The following ZNF831 variants were observed in gnomAD, a reference collection of about 807,000 sequenced individuals.
ZNF831 encodes zinc finger protein 831.
In ZNF831, 59 loss-of-function variants were observed where a neutral mutation model predicts 95.8. The ratio of observed to expected loss-of-function variants is 0.62; its 90% confidence interval spans 0.50 to 0.77. The LOEUF (loss-of-function observed/expected upper bound fraction) is 0.77, where lower values mean the gene tolerates loss of function less well. ZNF831 is among the 30% of genes least tolerant of loss of function. The pLI, the probability that ZNF831 is intolerant of heterozygous loss-of-function variation, is 0.00. For missense variants in ZNF831, 2,205 were observed against 2,164.0 expected, an observed-to-expected ratio of 1.02 and a Z score of -0.38; for synonymous variants, 961 against 925.5, an observed-to-expected ratio of 1.04 and a Z score of -0.70.
At chr20:59,213,213 C>A (rs916404292) in intron 4 of ZNF831, among the ~76,000 whole-genome samples, 2 of 152,144 alleles carry the variant, frequency 1.3e-5, no homozygotes, top group African/African-American at 4.8e-5. Context: ...AATGTATGTC[C>A]TCATCAATAC....
rs890301816 is a variant in ZNF831 at position 59,190,876 on chromosome 20, T to C, written c.-36-108T>C. The C allele has an allele frequency of 1.5e-5, 14 of 951,860 alleles. No individual in the cohort carries two copies. In the Admixed American group the frequency reaches 2.5e-4, roughly 17 times the overall value. The allele number at this position is 951,860 out of a possible 1,614,324, so 59.0% of individuals were successfully genotyped here. A position where few individuals can be genotyped will look rare whatever the true frequency, so the allele number is the denominator to read the frequency against. Reference sequence around the variant, plus strand: ...GGATGAGAGTACATTCCTTAGGGGATTGTCAGGCTTCCGTTGGGTGATGAA... The same window carrying C: ...GGATGAGAGTACATTCCTTAGGGGACTGTCAGGCTTCCGTTGGGTGATGAA... On this transcript the variant is annotated intron_variant, in intron 1 of 5. Coordinates refer to ENST00000371030, the MANE Select transcript of ZNF831 (RefSeq NM_178457.3).
intron 4 of ZNF831, among the ~76,000 whole-genome samples, chr20:59,233,916 C>T (rs1359183017): frequency 6.6e-6 from 1 of 152,224 alleles, no homozygotes; most frequent in African/African-American, 2.4e-5. Context: ...TGCAGCCACC[C>T]TCATCCCCAC....
chr20:59,183,913 T>C (rs1266535153), intron 1 of ZNF831, among the ~76,000 whole-genome samples: 1 of 152,184 alleles, frequency 6.6e-6, no homozygotes, highest in Non-Finnish European at 1.5e-5. Flanking sequence ...AAGTCCATAG[T>C]CTACACTAGG....
At chr20:59,203,608 C>T (rs529962804) in intron 3 of ZNF831, among the ~76,000 whole-genome samples, 4 of 152,206 alleles carry the variant, frequency 2.6e-5, no homozygotes, top group Admixed American at 1.3e-4. Context: ...TCAAGCAGAC[C>T]CCTGCATTAA....
chr20:59,237,852 G>A (rs938626320), intron 4 of ZNF831, among the ~76,000 whole-genome samples: 2 of 152,160 alleles, frequency 1.3e-5, no homozygotes, highest in Non-Finnish European at 2.9e-5. Context: ...CAGGACTGAC[G>A]TCTTCAGACT....
In ZNF831 at chr20:59,181,894, A is replaced by G. The variant is rs141948023; in HGVS notation, c.-36-9090A>G. On this transcript the variant is annotated intron_variant, in intron 1 of 5. Transcript: ENST00000371030. ...TTCATGATATTAATTTTTCCTTTCC[A>G]TGAGCATGGAATGTTTTTCCATTTG... is the stretch of plus-strand genomic sequence containing the variant. Among the ~76,000 whole-genome samples the G allele has an allele frequency of 3.0e-3, 452 of 152,118 alleles. 6 individuals are homozygous for G. The highest frequency in any genetic ancestry group is 0.01 in the African/African-American group (425 of 41,470).
chr20:59,249,901 G>C (rs1201025286), intron 4 of ZNF831, among the ~76,000 whole-genome samples: 1 of 152,256 alleles, frequency 6.6e-6, no homozygotes, highest in Middle Eastern at 3.4e-3. Flanking sequence ...AAGGAGAAAC[G>C]ACTTGGAGAA....
rs753436459 is a variant in ZNF831, at chr20:59,191,467, G to T, written c.448G>T (p.Gly150Cys). ...GGGCAAGTACCTGTGTCCGCACTGT[G>T]GTCGCGACTGCCTGAAGCCCAGTGT... ...NAGKYLCPHC[G>C]RDCLKPSVLE... The change falls in exon 2 of 6, where the codon GGT becomes TGT. Residue 150 changes from glycine (G) to cysteine (C), a missense_variant. Coordinates refer to ENST00000371030, the MANE Select transcript of ZNF831 (RefSeq NM_178457.3). 1.9e-5 allele frequency: 30 copies of T among 1,613,088 alleles called. 2 individuals are homozygous for T. Among genetic ancestry groups the T allele is most frequent in the Non-Finnish European group, 1.5e-5 (18 of 1,180,000 alleles).
chr20:59,224,851 AG>A (rs1200422316), intron 4 of ZNF831, among the ~76,000 whole-genome samples: 1 of 152,252 alleles, frequency 6.6e-6, no homozygotes, highest in Admixed American at 6.5e-5. Flanking sequence ...GATTTTTAAA[AG>A]TCCCTGCATG....
intron 4 of ZNF831, among the ~76,000 whole-genome samples, chr20:59,247,874 A>G (rs1202808530): frequency 6.6e-6 from 1 of 152,238 alleles, no homozygotes; most frequent in Non-Finnish European, 1.5e-5. Flanking sequence ...GCATTTTAAT[A>G]AGGCCTAGAC....
At chr20:59,144,389 C>G (rs1415639277) in intron 1 of ZNF831, among the ~76,000 whole-genome samples, 2 of 152,160 alleles carry the variant, frequency 1.3e-5, no homozygotes, top group Non-Finnish European at 2.9e-5. Flanking sequence ...AAGCCTTGAT[C>G]AGTTCTCTGT....
rs2146569748 is a variant in ZNF831, at chr20:59,192,684, T to C, written c.1665T>C (p.Ser555=). The C allele has an allele frequency of 2.6e-6, 4 of 1,565,580 alleles. No individual in the cohort carries two copies. Among genetic ancestry groups the C allele is most frequent in the East Asian group, 2.3e-5 (1 of 43,696 alleles). Reference sequence around the variant, plus strand: ...GACTAAGCTCGACTGACGTTCCCAGTGGGCATCCCCGGGCCCTGGTCAGAC... The same window carrying C: ...GACTAAGCTCGACTGACGTTCCCAGCGGGCATCCCCGGGCCCTGGTCAGAC... The part of the protein sequence containing the change: ...RSGLSSTDVP[S]GHPRALVRQA... The change falls in exon 2 of 6, where the codon AGT becomes AGC. Residue 555 remains serine, a synonymous_variant. Coordinates refer to ENST00000371030, the MANE Select transcript of ZNF831 (RefSeq NM_178457.3). The surrounding 1 kb of genome is among the most constrained non-coding windows in gnomAD (Gnocchi z 5.2).
intron 1 of ZNF831, among the ~76,000 whole-genome samples, chr20:59,126,484 T>C (rs1375822179): frequency 2.0e-5 from 3 of 152,216 alleles, no homozygotes; most frequent in African/African-American, 7.2e-5. Flanking sequence ...GTGTGCACAC[T>C]GAAGTTTGTT....
chr20:59,124,156 C>T (rs548805013), intron 1 of ZNF831, among the ~76,000 whole-genome samples: 1 of 152,256 alleles, frequency 6.6e-6, no homozygotes, highest in South Asian at 2.1e-4. Flanking sequence ...ATAAACTCTT[C>T]CTATGGCCGT....
In ZNF831 at chr20:59,167,361, T is replaced by G. The variant is rs1601322882; in HGVS notation, c.-37+3154T>G. Among the ~76,000 whole-genome samples the G allele has an allele frequency of 1.3e-5, 2 of 152,186 alleles. 1 individual carries two copies. The highest frequency in any genetic ancestry group is 2.9e-5 in the Non-Finnish European group (2 of 67,996). On this transcript the variant is annotated intron_variant, in intron 1 of 5. Coordinates refer to ENST00000371030, the MANE Select transcript of ZNF831 (RefSeq NM_178457.3). Reference sequence around the variant, plus strand: ...AGTCCCTTGTCAGATATGTTGTTTGTGAATACTTTCTCCAGATCTGTAGCT... The same window carrying G: ...AGTCCCTTGTCAGATATGTTGTTTGGGAATACTTTCTCCAGATCTGTAGCT...
chr20:59,197,527 G>C (rs1568762756), intron 3 of ZNF831, among the ~76,000 whole-genome samples: 1 of 152,170 alleles, frequency 6.6e-6, no homozygotes, highest in Non-Finnish European at 1.5e-5. Flanking sequence ...GCATTTTCTA[G>C]ATTTTTCTTG....
rs200422985 is a variant in ZNF831, at chr20:59,193,540, G to A, written c.2521G>A (p.Ala841Thr). 140 of 1,605,378 alleles carry A rather than the reference G, an allele frequency of 8.7e-5. No individual in the cohort carries two copies. The highest frequency in any genetic ancestry group is 1.0e-4 in the Non-Finnish European group (120 of 1,176,270). The change falls in exon 2 of 6, where the codon GCA (alanine) becomes ACA (threonine). Residue 841 changes from alanine (A) to threonine (T), a missense_variant. Coordinates refer to ENST00000371030, the MANE Select transcript of ZNF831 (RefSeq NM_178457.3). ...HSWKQPEPVS[A>T]ETPGGPTQPA... is the part of the protein sequence containing the mutation. ...CTGGAAGCAACCAGAGCCTGTGAGC[G>A]CAGAGACCCCAGGTGGGCCCACGCA...
chr20:59,246,113 C>T (rs1040329424), intron 4 of ZNF831, among the ~76,000 whole-genome samples: 6 of 152,148 alleles, frequency 3.9e-5, no homozygotes, highest in African/African-American at 9.7e-5. Flanking sequence ...TGTCTCCTTG[C>T]GCTCACATAA....
At chr20:59,153,026 G>A (rs2146459637) in intron 2 of ZNF831, among the ~76,000 whole-genome samples, 1 of 152,314 alleles carries the variant, frequency 6.6e-6, no homozygotes, top group African/African-American at 2.4e-5. Context: ...CAGGGGTGAA[G>A]GTGAAGGGAG....
Sources: allele counts gnomAD v4.1 joint callset (sites outside exome capture counted in the v4.1 genomes callset), GRCh38; gene constraint gnomAD v4.1.1; non-coding constraint Gnocchi (gnomAD v3.1); transcripts MANE v1.5; gene names NCBI Gene and HGNC (gene_info 2026-07-23, HGNC 2026-07-21).